Variants in LIPH observed in about 807,000 individuals in gnomAD.
LIPH encodes lipase member H.
LIPH carries 32 observed loss-of-function variants against 47.6 expected under a neutral mutation model. The ratio of observed to expected loss-of-function variants is 0.67; its 90% confidence interval spans 0.51 to 0.90. LIPH has a LOEUF of 0.90. Among genes scored for constraint, LIPH ranks in the 40% least tolerant of loss-of-function variants. The pLI, the probability that LIPH is intolerant of heterozygous loss-of-function variation, is 0.00. For synonymous variants in LIPH, 190 were observed against 195.6 expected, an observed-to-expected ratio of 0.97 and a Z score of 0.24; for missense variants, 497 against 541.4, an observed-to-expected ratio of 0.92 and a Z score of 0.81.
chr3:185,539,365 TCTTTTTTTTTTTTC>T (rs1720630043), intron 1 of LIPH, among the ~76,000 whole-genome samples: 1 of 151,456 alleles, frequency 6.6e-6, no homozygotes, highest in South Asian at 2.1e-4. Context: ...ATTTTACAGA[TCTTTTTTTTTTTTC>T]CTTTTTTTTT....
chr3:185,533,624 T>C lies in LIPH; in HGVS notation c.473A>G (p.His158Arg). The C allele has an allele frequency of 6.2e-7, 1 of 1,614,054 alleles. No individual in the cohort carries two copies. Among genetic ancestry groups the C allele is most frequent in the Non-Finnish European group, 8.5e-7 (1 of 1,179,948 alleles). ...CATCTCTCCAACAAACCCAGATATG[T>C]GGGCTCCTAGACTTACTCCGATCAT... ...IYMIGVSLGA[H>R]ISGFVGEMYD... Residue 158 changes from histidine to arginine, a missense_variant, in exon 3 of 10, where the codon CAC (histidine) becomes CGC (arginine). His to Arg is a conservative substitution (Grantham distance 29). Transcript: ENST00000296252.
intron 1 of LIPH, among the ~76,000 whole-genome samples, chr3:185,537,179 C>T (rs1720528085): frequency 6.6e-6 from 1 of 152,152 alleles, no homozygotes; most frequent in Non-Finnish European, 1.5e-5. Context: ...GCCATCGTGC[C>T]CAGCCAAGCC....
At chr3:185,529,008 C>CAAA (rs11457671) in intron 3 of LIPH, among the ~76,000 whole-genome samples, 1,138 of 111,616 alleles carry the variant, frequency 0.01, 21 homozygotes, top group African/African-American at 0.021. Context: ...TTAAAAATAC[C>CAAA]AAAAAAAAAA....
rs969932483 is a variant in LIPH, at chr3:185,507,628, A to G, written c.*1162T>C. On this transcript the variant is annotated 3_prime_UTR_variant, in exon 10 of 10. Transcript: ENST00000296252. ...TCCTGCTGTCATTCTAGATTTGCAG[A>G]CAGCATCTACCTCCAGGGAAGCAAA... The G allele has an allele frequency of 2.6e-5, 4 of 152,164 alleles. No homozygotes were observed. The highest frequency in any genetic ancestry group is 5.9e-5 in the Non-Finnish European group (4 of 68,008). 9.4% of individuals were successfully genotyped at this position (152,164 alleles called of 1,614,324 possible).
chr3:185,539,605 A>G (rs1720638505), intron 1 of LIPH, among the ~76,000 whole-genome samples: 1 of 150,392 alleles, frequency 6.6e-6, no homozygotes, highest in South Asian at 2.1e-4. Context: ...TCCAGACTTC[A>G]GGCGATCCAC....
chr3:185,546,313 C>G (rs955641393), intron 1 of LIPH, among the ~76,000 whole-genome samples: 1 of 149,228 alleles, frequency 6.7e-6, no homozygotes, highest in Non-Finnish European at 1.5e-5. Flanking sequence ...GATTGTGCCA[C>G]TGCACTCTTA....
chr3:185,530,817 G>A (rs1720309206), intron 3 of LIPH, among the ~76,000 whole-genome samples: 1 of 152,124 alleles, frequency 6.6e-6, no homozygotes, highest in Admixed American at 6.6e-5. Context: ...GCAGTGAGTT[G>A]TGATTGCACC....
chr3:185,548,698 G>A (rs145881485), intron 1 of LIPH, among the ~76,000 whole-genome samples: 7,272 of 152,178 alleles, frequency 0.048, 276 homozygotes, highest in East Asian at 0.24. Context: ...CTGCACTCTA[G>A]CCTGGGCGAG....
chr3:185,524,175 A>T lies in LIPH; in HGVS notation c.629-15T>A. The T allele has an allele frequency of 6.7e-7, 1 of 1,502,826 alleles. No homozygotes were observed. Among genetic ancestry groups the T allele is most frequent in the South Asian group, 1.1e-5 (1 of 88,830 alleles). 93.1% of individuals were successfully genotyped at this position (1,502,826 alleles called of 1,614,324 possible). On this transcript the variant is annotated splice_polypyrimidine_tract_variant and intron_variant, in intron 4 of 9. Transcript: ENST00000296252. ...GTAGCCCAGTGCTAAAAGAGAACAC[A>T]TTCTGCTTTTATACTCCTTTGAATT...
At chr3:185,525,060 C>CA (rs1720026441) in intron 4 of LIPH, among the ~76,000 whole-genome samples, 1 of 151,398 alleles carries the variant, frequency 6.6e-6, no homozygotes, top group African/African-American at 2.4e-5. Flanking sequence ...ACAAAATATA[C>CA]AAAAATTAGC....
chr3:185,512,869 G>C (rs1405813238), intron 8 of LIPH, among the ~76,000 whole-genome samples: 6 of 152,142 alleles, frequency 3.9e-5, no homozygotes, highest in Non-Finnish European at 2.9e-5. Flanking sequence ...AAGTCCCATG[G>C]AGTACAGAAG....
At chr3:185,543,900 G>C (rs1720790459) in intron 1 of LIPH, among the ~76,000 whole-genome samples, 2 of 143,050 alleles carry the variant, frequency 1.4e-5, no homozygotes, top group African/African-American at 5.4e-5. Context: ...CCCCAGGCTG[G>C]AGTGCAATGG....
Position 185,539,365 on chromosome 3 carries a change from TC to T in LIPH, c.50-4234del, listed in dbSNP as rs1004136213. Among the ~76,000 whole-genome samples, 8 of 151,572 alleles carry T rather than the reference TC, an allele frequency of 5.3e-5. No individual in the cohort carries two copies. In the Admixed American group the frequency reaches 5.3e-4, roughly 10 times the overall value. ...CTTCTGAATCCCTTTATTTTACAGATCTTTTTTTTTTTTCCTTTTTTTTTGA... is the reference window on the plus strand; with the variant it reads ...CTTCTGAATCCCTTTATTTTACAGATTTTTTTTTTTTTCCTTTTTTTTTGA... On this transcript the variant is annotated intron_variant, in intron 1 of 9. Transcript: ENST00000296252.
chr3:185,515,997 G>T (rs1475472569), intron 7 of LIPH, among the ~76,000 whole-genome samples: 3 of 152,156 alleles, frequency 2.0e-5, no homozygotes, highest in Non-Finnish European at 4.4e-5. Flanking sequence ...AGCTGGGCAT[G>T]GTGGCGCATG....
intron 4 of LIPH, among the ~76,000 whole-genome samples, chr3:185,525,871 C>A (rs780424531): frequency 7.2e-5 from 11 of 152,172 alleles, no homozygotes; most frequent in Non-Finnish European, 1.0e-4. Context: ...GGACACCACA[C>A]CAGAATGCCG....
intron 1 of LIPH, among the ~76,000 whole-genome samples, chr3:185,535,873 G>A (rs1720489442): frequency 6.6e-6 from 1 of 152,156 alleles, no homozygotes; most frequent in Admixed American, 6.5e-5. Flanking sequence ...AAGGTGCTGG[G>A]ATTACAGGCA....
At chr3:185,518,874 A>C (rs1363498026) in intron 6 of LIPH, among the ~76,000 whole-genome samples, 9 of 151,712 alleles carry the variant, frequency 5.9e-5, no homozygotes. Flanking sequence ...ACAGGCACGC[A>C]CCACCACACC....
chr3:185,541,726 GT>G (rs2148963654), intron 1 of LIPH, among the ~76,000 whole-genome samples: 1 of 148,666 alleles, frequency 6.7e-6, no homozygotes, highest in East Asian at 2.0e-4. Flanking sequence ...TTTCTTCTTG[GT>G]TTTTGGTGTT....
rs1719417841 is a variant in LIPH at position 185,507,523 on chromosome 3, C to T, written c.*1267G>A. On this transcript the variant is annotated 3_prime_UTR_variant, in exon 10 of 10. Transcript: ENST00000296252. Reference sequence around the variant, plus strand: ...CACAGCCATGGGACAGATCATGCCTCCCCTCACACTGGGCATCTGGCCCCA... The same window carrying T: ...CACAGCCATGGGACAGATCATGCCTTCCCTCACACTGGGCATCTGGCCCCA... 1.3e-5 allele frequency: 2 copies of T among 152,234 alleles called. No homozygotes were observed. Among genetic ancestry groups the T allele is most frequent in the Admixed American group, 1.3e-4 (2 of 15,268 alleles). 9.4% of individuals were successfully genotyped at this position (152,234 alleles called of 1,614,324 possible).
Sources: allele counts gnomAD v4.1 joint callset (sites outside exome capture counted in the v4.1 genomes callset), GRCh38; gene constraint gnomAD v4.1.1; transcripts MANE v1.5; gene names NCBI Gene and HGNC (gene_info 2026-07-23, HGNC 2026-07-21).